Variants in SOX6 observed in about 807,000 individuals in gnomAD.
SOX6 encodes SRY-box transcription factor 6.
SOX6 carries 11 observed loss-of-function variants against 97.8 expected under a neutral mutation model. The observed-to-expected ratio is 0.11, with a 90% confidence interval of 0.07 to 0.19. SOX6 has a LOEUF of 0.19. Ranked by LOEUF, SOX6 falls within the 10% of genes least tolerant of loss-of-function variation. The pLI is 1.00. For synonymous variants in SOX6, 360 were observed against 371.4 expected (o/e 0.97, Z 0.35); for missense variants, 810 against 1,039.5 (o/e 0.78, Z 3.04).
intron 7 of SOX6, among the ~76,000 whole-genome samples, chr11:16,098,851 A>G (rs530796185): frequency 6.6e-6 from 1 of 151,972 alleles, no homozygotes; most frequent in South Asian, 2.1e-4. Flanking sequence ...GGAAAGCAAG[A>G]AAACTTTTTT....
chr11:16,132,440 AGAAAAAAGAAAGAAAGAAAGAAAGAAAG>A lies in SOX6; in HGVS notation c.778-20545_778-20518del, dbSNP rs1564972623. Among the ~76,000 whole-genome samples, 64 of 100,210 alleles carry A rather than the reference AGAAAAAAGAAAGAAAGAAAGAAAGAAAG, an allele frequency of 6.4e-4. 5 individuals carry two copies. Among genetic ancestry groups the A allele is most frequent in the African/African-American group, 2.7e-3 (59 of 21,656 alleles). 65.7% of individuals were successfully genotyped at this position (100,210 alleles called of 152,430 possible). A position where few individuals can be genotyped will look rare whatever the true frequency, so the allele number is the denominator to read the frequency against. On this transcript the variant is annotated intron_variant, in intron 6 of 15. Transcript: ENST00000683767. Reference sequence around the variant, plus strand: ...AAGAAAGAAAGAAAGAAAGAAAGAAAGAAAAAAGAAAGAAAGAAAGAAAGAAAGAAAGAAAGAAAGAAAGAAAGAAAGA... The same window carrying A: ...AAGAAAGAAAGAAAGAAAGAAAGAAAAAAGAAAGAAAGAAAGAAAGAAAGA...
chr11:16,612,409 A>G (rs1211762653), intron 3 of SOX6: 2 of 152,406 alleles, frequency 1.3e-5, no homozygotes, highest in African/African-American at 2.4e-5. Flanking sequence ...TTACCACCAT[A>G]GAATTAAAAT....
intron 3 of SOX6, among the ~76,000 whole-genome samples, chr11:16,697,549 G>A (rs541911849): frequency 6.6e-6 from 1 of 152,290 alleles, no homozygotes; most frequent in South Asian, 2.1e-4. Context: ...CAGGAGAATT[G>A]CTTGAAGCCG....
chr11:16,670,317 C>T (rs11529597), intron 3 of SOX6, among the ~76,000 whole-genome samples: 9 of 152,164 alleles, frequency 5.9e-5, no homozygotes, highest in Admixed American at 2.0e-4. Context: ...CTCCTCCCTG[C>T]GAGCCTTCAA....
At chr11:16,316,754 T>C (rs1272846892) in intron 3 of SOX6, 1 of 152,124 alleles carries the variant, frequency 6.6e-6, no homozygotes, top group Non-Finnish European at 1.5e-5. Context: ...TGGATCACAA[T>C]TAAAAGTAAT....
chr11:16,343,045 A>G (rs193137193), intron 1 of SOX6, among the ~76,000 whole-genome samples: 9 of 151,954 alleles, frequency 5.9e-5, no homozygotes, highest in African/African-American at 2.2e-4. Flanking sequence ...AATTTATATC[A>G]ATAATAACAA....
chr11:16,581,514 T>C (rs1326334230), intron 4 of SOX6, among the ~76,000 whole-genome samples: 1 of 152,094 alleles, frequency 6.6e-6, no homozygotes, highest in Non-Finnish European at 1.5e-5. Context: ...AAAACCTAGA[T>C]GACAGGTTGA....
chr11:16,612,832 TG>T (rs1446709897), intron 3 of SOX6, among the ~76,000 whole-genome samples: 2 of 152,122 alleles, frequency 1.3e-5, no homozygotes, highest in Non-Finnish European at 2.9e-5. Context: ...AGCTGGAATC[TG>T]GGAACCTTAC....
At chr11:16,196,757 G>A (rs565338721) in intron 4 of SOX6, among the ~76,000 whole-genome samples, 1 of 150,692 alleles carries the variant, frequency 6.6e-6, no homozygotes, top group South Asian at 2.1e-4. Context: ...TCTGGACTTG[G>A]ACTCTCAAAT....
At position 16,104,614 on chromosome 11, in the gene SOX6, C is replaced by A. The variant is rs547770914; in HGVS notation, c.899-6926G>T. Among the ~76,000 whole-genome samples, 55 of 151,462 alleles carry A rather than the reference C, an allele frequency of 3.6e-4. 1 individual carries two copies. The South Asian group carries it at 0.011, about 32-fold the overall frequency. On this transcript the variant is annotated intron_variant, in intron 7 of 15. Transcript: ENST00000683767. ...ACACACATACACACACACACACATACACAGGTTGGGGGTTATTAAATGAGA... is the reference window on the plus strand; with the variant it reads ...ACACACATACACACACACACACATAAACAGGTTGGGGGTTATTAAATGAGA...
intron 7 of SOX6, among the ~76,000 whole-genome samples, chr11:16,107,014 G>C (rs1849104521): frequency 6.6e-6 from 1 of 151,948 alleles, no homozygotes. Flanking sequence ...TTAAGGAAAT[G>C]TAAATCAAAA....
chr11:16,293,323 G>A lies in SOX6; in HGVS notation c.445+25123C>T, dbSNP rs576851940. Among the ~76,000 whole-genome samples the A allele has an allele frequency of 2.0e-5, 3 of 152,262 alleles. No individual in the cohort carries two copies. The East Asian group carries it at 5.8e-4, about 29-fold the overall frequency. ...AATTTAACTGTTGGAACTAGCTACA[G>A]TGATAAACAGCAACCACGTGGACAT... On this transcript the variant is annotated intron_variant, in intron 3 of 15. Coordinates refer to ENST00000683767, the MANE Select transcript of SOX6 (RefSeq NM_001367873.1).
At chr11:16,621,496 G>C (rs1848544873) in intron 3 of SOX6, among the ~76,000 whole-genome samples, 1 of 152,150 alleles carries the variant, frequency 6.6e-6, no homozygotes, top group African/African-American at 2.4e-5. Context: ...TAGTGGGAGT[G>C]AGTAATATCT....
intron 3 of SOX6, among the ~76,000 whole-genome samples, chr11:16,277,873 A>G (rs2134238373): frequency 6.6e-6 from 1 of 152,340 alleles, no homozygotes; most frequent in Admixed American, 6.5e-5. Flanking sequence ...TCTGCCTATT[A>G]TTAACTTTGT....
intron 3 of SOX6, among the ~76,000 whole-genome samples, chr11:16,310,994 A>G (rs1254675420): frequency 6.6e-6 from 1 of 152,072 alleles, no homozygotes; most frequent in Non-Finnish European, 1.5e-5. Flanking sequence ...ACTATCTAAA[A>G]ACCTCATCCA....
chr11:16,500,960 T>C (rs552625219), intron 4 of SOX6, among the ~76,000 whole-genome samples: 120 of 152,292 alleles, frequency 7.9e-4, no homozygotes, highest in African/African-American at 2.7e-3. Context: ...AAAAAACTAC[T>C]TTAAAGTTCA....
At position 16,444,503 on chromosome 11, in the gene SOX6, G is replaced by A. The variant is rs78984356; in HGVS notation, c.-5+31812C>T. On this transcript the variant is annotated intron_variant, in intron 1 of 15. Coordinates refer to the SOX6 transcript ENST00000396356. ...CCCACTATAATGGCAAGGATAAGTT[G>A]GCATCTTCTTAAAATGTTAACCTTT... Among the ~76,000 whole-genome samples the A allele has an allele frequency of 5.6e-3, 851 of 152,178 alleles. 5 individuals carry two copies. The highest frequency in any genetic ancestry group is 0.02 in the African/African-American group (813 of 41,528).
intron 3 of SOX6, among the ~76,000 whole-genome samples, chr11:16,239,990 G>A (rs1853136495): frequency 1.3e-5 from 2 of 151,978 alleles, no homozygotes; most frequent in Admixed American, 1.3e-4. Context: ...TCTTCTTTCA[G>A]ATAAATTACT....
intron 3 of SOX6, among the ~76,000 whole-genome samples, chr11:16,644,515 T>C (rs1420304001): frequency 6.6e-6 from 1 of 152,218 alleles, no homozygotes; most frequent in Non-Finnish European, 1.5e-5. Context: ...ATATCTGTAA[T>C]TCCTATTAAA....
Sources: allele counts gnomAD v4.1 joint callset (sites outside exome capture counted in the v4.1 genomes callset), GRCh38; gene constraint gnomAD v4.1.1; transcripts MANE v1.5; gene names NCBI Gene and HGNC (gene_info 2026-07-23, HGNC 2026-07-21).